The following TBXAS1 variants were observed in gnomAD, a reference collection of about 807,000 sequenced individuals.
TBXAS1 encodes the protein thromboxane-A synthase.
Under a neutral mutation model 60.7 loss-of-function variants are expected in TBXAS1, and 48 were observed. The observed-to-expected ratio is 0.79, with a 90% confidence interval of 0.63 to 1.01. The LOEUF (loss-of-function observed/expected upper bound fraction) is 1.01, where lower values mean the gene tolerates loss of function less well. TBXAS1 is among the 50% of genes least tolerant of loss of function. TBXAS1 has a pLI of 0.00. For missense variants in TBXAS1, 685 were observed against 686.3 expected (o/e 1.00, Z 0.02); for synonymous variants, 287 against 269.7 (o/e 1.06, Z -0.63).
chr7:139,793,220 C>G (rs1797444181), intron 4 of TBXAS1, among the ~76,000 whole-genome samples: 2 of 152,172 alleles, frequency 1.3e-5, no homozygotes, highest in African/African-American at 4.8e-5. Context: ...AGTTCAAGAC[C>G]AGCCTGGCCA....
chr7:139,936,444 C>A, intron 5 of TBXAS1, 137 bp downstream of exon 5: 1 of 878,880 alleles, frequency 1.1e-6, no homozygotes, highest in Non-Finnish European at 1.9e-6. Flanking sequence ...GACCTTCAGA[C>A]CTCTCTGTTA....
rs912735972 is a variant in TBXAS1, at chr7:140,004,930, G to A, written c.1135-2161G>A. ...GGGACGGCCACCACCATGCCAACCC[G>A]AGATGCTGCAGGGTGCATGCACCCT... On this transcript the variant is annotated intron_variant, in intron 9 of 12. Transcript: ENST00000448866. This position sits in a 1 kb window ranked among gnomAD's most constrained non-coding sequence, Gnocchi z 5.1. Among the ~76,000 whole-genome samples the A allele has an allele frequency of 1.1e-4, 16 of 152,172 alleles. No homozygotes were observed. Among genetic ancestry groups the A allele is most frequent in the African/African-American group, 1.4e-4 (6 of 41,434 alleles).
At chr7:139,970,939 T>TC in intron 9 of TBXAS1, among the ~76,000 whole-genome samples, 1 of 152,212 alleles carries the variant, frequency 6.6e-6, no homozygotes, top group Admixed American at 6.5e-5. Context: ...GCTTCCCTAC[T>TC]CCCCTAAGCC....
At chr7:140,018,013 T>C (rs1319555922) in intron 12 of TBXAS1, among the ~76,000 whole-genome samples, 180 bp downstream of exon 12, 4 of 152,178 alleles carry the variant, frequency 2.6e-5, no homozygotes, top group East Asian at 1.9e-4. Context: ...GTGATAATAA[T>C]AACACCCTCT....
rs192935151 is a variant in TBXAS1 at position 139,779,270 on chromosome 7, G to T, written c.-318+799G>T. ...CTCCATCCTCCGTTCCCATCCTTCA[G>T]TCCTTCCCAAAAAAGGCAAGCTCTT... On this transcript the variant is annotated intron_variant, in intron 1 of 16. Coordinates refer to the TBXAS1 transcript ENST00000336425. Among the ~76,000 whole-genome samples, 4 of 152,210 alleles carry T rather than the reference G, an allele frequency of 2.6e-5. 1 individual carries two copies. In the South Asian group the frequency reaches 8.3e-4, roughly 32 times the overall value.
At chr7:139,880,512 G>C (rs1569506745) in intron 3 of TBXAS1, among the ~76,000 whole-genome samples, 1 of 152,054 alleles carries the variant, frequency 6.6e-6, no homozygotes, top group Non-Finnish European at 1.5e-5. Context: ...TCCCACCCTG[G>C]GGCCCATCTG....
chr7:139,806,626 C>T lies in TBXAS1; in HGVS notation c.-80+19200C>T, dbSNP rs184874272. Among the ~76,000 whole-genome samples the T allele has an allele frequency of 2.6e-4, 40 of 152,176 alleles. 1 individual carries two copies. The highest frequency in any genetic ancestry group is 2.6e-3 in the Admixed American group (40 of 15,284). On this transcript the variant is annotated intron_variant, in intron 4 of 16. Coordinates refer to the TBXAS1 transcript ENST00000336425. ...GGGGATTGAACACCTATGCTCTGTT[C>T]CCCTTTTTCCAGGTCTCTCCCTCTG...
chr7:139,953,461 G>A lies in TBXAS1; in HGVS notation c.539+5G>A, dbSNP rs750658300. 2 of 1,613,394 alleles carry A rather than the reference G, an allele frequency of 1.2e-6. No individual in the cohort carries two copies. Among genetic ancestry groups the A allele is most frequent in the Middle Eastern group, 1.6e-4 (1 of 6,084 alleles). On this transcript the variant is annotated splice_donor_5th_base_variant and intron_variant, in intron 6 of 12. Transcript: ENST00000448866. ...GGACGCATTTGACATCCAGAGGTAA[G>A]GCTGCTGCATTACAGATGAGAAATC...
At chr7:139,869,584 T>C (rs1216457229) in intron 1 of TBXAS1, among the ~76,000 whole-genome samples, 1 of 152,132 alleles carries the variant, frequency 6.6e-6, no homozygotes, top group Non-Finnish European at 1.5e-5. Context: ...AGATGGGGTT[T>C]CACCATATGG....
chr7:139,946,479 T>A (rs1489358528), intron 5 of TBXAS1, among the ~76,000 whole-genome samples: 1 of 152,224 alleles, frequency 6.6e-6, no homozygotes, highest in African/African-American at 2.4e-5. Flanking sequence ...ATGACAACCA[T>A]ATTCCAGGTG....
intron 8 of TBXAS1, among the ~76,000 whole-genome samples, chr7:139,960,794 T>A (rs1810269842): frequency 6.6e-6 from 1 of 151,188 alleles, no homozygotes; most frequent in African/African-American, 2.4e-5. Context: ...ATTAATGCAA[T>A]CGAAATTCAG....
intron 9 of TBXAS1, among the ~76,000 whole-genome samples, chr7:139,983,392 G>A (rs1812101363): frequency 6.6e-6 from 1 of 152,126 alleles, no homozygotes; most frequent in Admixed American, 6.5e-5. Context: ...AAGTCGGTAG[G>A]GTATCTGTTA....
chr7:139,980,849 G>C (rs1458865067), intron 9 of TBXAS1, among the ~76,000 whole-genome samples: 2 of 151,340 alleles, frequency 1.3e-5, no homozygotes, highest in African/African-American at 4.9e-5. Flanking sequence ...GTCTGCACCA[G>C]AGTGGAAATT....
chr7:139,921,964 C>T (rs1399366643), intron 4 of TBXAS1, among the ~76,000 whole-genome samples: 1 of 152,144 alleles, frequency 6.6e-6, no homozygotes, highest in African/African-American at 2.4e-5. Flanking sequence ...CTAGTTGTTC[C>T]AGCCTTAGCC....
intron 10 of TBXAS1, among the ~76,000 whole-genome samples, chr7:140,010,463 T>C (rs980590797): frequency 2.0e-5 from 3 of 152,142 alleles, no homozygotes; most frequent in African/African-American, 7.2e-5. Context: ...GTTGATCTCT[T>C]ATGAGGTTCA....
At chr7:139,827,942 C>A (rs1312762407), upstream of TBXAS1, among the ~76,000 whole-genome samples, 1 of 152,174 alleles carries the variant, frequency 6.6e-6, no homozygotes, top group Non-Finnish European at 1.5e-5. Flanking sequence ...TCTGGATAAC[C>A]TGATGACAAT....
At chr7:139,833,678 C>G (rs980158652) in intron 1 of TBXAS1, among the ~76,000 whole-genome samples, 2 of 150,534 alleles carry the variant, frequency 1.3e-5, no homozygotes, top group Admixed American at 1.3e-4. Flanking sequence ...CAGCAAGACT[C>G]TTTCTCAAAA....
Position 139,955,465 on chromosome 7 carries a change from C to T in TBXAS1, c.546C>T (p.Tyr182=). ...GTGCTCCCATCTCCCGTAGGTGCTA[C>T]TGCAATTACACCACAGATGTGGTTG... The part of the protein sequence containing the change: ...SGDAFDIQRC[Y]CNYTTDVVAS... The change falls in exon 7 of 13, where the codon TAC becomes TAT. Residue 182 remains tyrosine, a synonymous_variant. Coordinates refer to ENST00000448866, the MANE Select transcript of TBXAS1 (RefSeq NM_001061.7). 6.2e-7 allele frequency: 1 copy of T among 1,614,212 alleles called. No homozygotes were observed. Among genetic ancestry groups the T allele is most frequent in the Non-Finnish European group, 8.5e-7 (1 of 1,180,032 alleles).
intron 5 of TBXAS1, among the ~76,000 whole-genome samples, chr7:139,943,079 T>C (rs1162863115): frequency 1.3e-5 from 2 of 152,234 alleles, no homozygotes; most frequent in East Asian, 3.8e-4. Flanking sequence ...ATATGGGGGC[T>C]TCTAAGGCAG....
Sources: allele counts gnomAD v4.1 joint callset (sites outside exome capture counted in the v4.1 genomes callset), GRCh38; gene constraint gnomAD v4.1.1; non-coding constraint Gnocchi (gnomAD v3.1); transcripts MANE v1.5; gene names NCBI Gene and HGNC (gene_info 2026-07-23, HGNC 2026-07-21).